Variants in COL4A5 observed in about 807,000 individuals in gnomAD.
The protein encoded by COL4A5 is collagen alpha-5(IV) chain.
In COL4A5, 26 loss-of-function variants were observed where a neutral mutation model predicts 130.2. The observed-to-expected ratio is 0.20, with a 90% CI of 0.15 to 0.28. COL4A5 has a LOEUF of 0.28. Among genes scored for constraint, COL4A5 ranks in the 10% least tolerant of loss-of-function variants. COL4A5 has a pLI of 1.00. For synonymous variants in COL4A5, 496 were observed against 439.6 expected (o/e 1.13, Z -1.60); for missense variants, 1,131 against 1,344.3 (o/e 0.84, Z 2.48).
At chrX:108,658,900 G>A (rs181857710) in intron 37 of COL4A5, among the ~76,000 whole-genome samples, 2 of 110,781 alleles carry the variant, frequency 1.8e-5, no homozygotes, top group African/African-American at 6.5e-5. Context: ...ATTGATTTCT[G>A]CTTATATCTG....
At chrX:108,504,622 A>C in intron 1 of COL4A5, among the ~76,000 whole-genome samples, 1 of 112,617 alleles carries the variant, frequency 8.9e-6, no homozygotes, top group East Asian at 2.8e-4. Context: ...GCAAATGGCC[A>C]AGAAACATGG....
At chrX:108,520,960 C>CT (rs1040172974) in intron 1 of COL4A5, among the ~76,000 whole-genome samples, 1 of 111,700 alleles carries the variant, frequency 9.0e-6, no homozygotes, top group African/African-American at 3.2e-5. Flanking sequence ...TCCAGGGTAT[C>CT]TATGTGTGTG....
chrX:108,486,859 G>A (rs751677867), intron 1 of COL4A5, among the ~76,000 whole-genome samples: 1 of 112,010 alleles, frequency 8.9e-6, no homozygotes, highest in Admixed American at 9.5e-5. Flanking sequence ...CCATATTTTT[G>A]CAATTGTGAA....
At chrX:108,472,068 A>G (rs1299575946) in intron 1 of COL4A5, among the ~76,000 whole-genome samples, 1 of 111,183 alleles carries the variant, frequency 9.0e-6, no homozygotes. Context: ...AGTATTTTCT[A>G]ATTAGTTTTG....
intron 21 of COL4A5, among the ~76,000 whole-genome samples, chrX:108,593,539 A>G (rs1410042304): frequency 1.8e-5 from 2 of 111,063 alleles, no homozygotes; most frequent in Admixed American, 9.5e-5. Context: ...TCTTCTAGAC[A>G]CTTTATTGTT....
chrX:108,538,062 T>C (rs1288503578), intron 1 of COL4A5, among the ~76,000 whole-genome samples: 1 of 112,057 alleles, frequency 8.9e-6, no homozygotes, highest in Non-Finnish European at 1.9e-5. Context: ...TAGAGAGCAA[T>C]GATGTACTTT....
intron 1 of COL4A5, among the ~76,000 whole-genome samples, chrX:108,538,166 C>T (rs1158130223): frequency 9.0e-6 from 1 of 111,394 alleles, no homozygotes; most frequent in Non-Finnish European, 1.9e-5. Context: ...TTGGAGGGAG[C>T]TGTGTGTTAC....
intron 29 of COL4A5, among the ~76,000 whole-genome samples, chrX:108,611,485 A>T (rs73528329): frequency 0.1 from 11,593 of 111,008 alleles, 1,303 homozygotes; most frequent in African/African-American, 0.34. Context: ...AAAGTATATA[A>T]TTTATGCTAA....
intron 19 of COL4A5, 31 bp downstream of exon 19, chrX:108,586,778 T>A: frequency 8.4e-7 from 1 of 1,192,307 alleles, no homozygotes; most frequent in Non-Finnish European, 1.1e-6. Flanking sequence ...GGCCTTGTTC[T>A]TATAGCATCC....
intron 19 of COL4A5, among the ~76,000 whole-genome samples, chrX:108,588,676 A>G (rs187958334): frequency 4.3e-4 from 48 of 111,358 alleles, no homozygotes; most frequent in African/African-American, 1.4e-3. Context: ...GCACTAAGCA[A>G]TAGTAAAATA....
intron 31 of COL4A5, among the ~76,000 whole-genome samples, chrX:108,620,696 C>T (rs1000064411): frequency 8.9e-6 from 1 of 111,870 alleles, no homozygotes; most frequent in African/African-American, 3.3e-5. Context: ...TTTTGCAGCT[C>T]TAGAATTAAG....
chrX:108,446,780 A>G (rs1415642985), intron 1 of COL4A5, among the ~76,000 whole-genome samples: 3 of 111,669 alleles, frequency 2.7e-5, no homozygotes, highest in Non-Finnish European at 3.8e-5. Context: ...GTCATGATGA[A>G]AAGTTGAATA....
chrX:108,532,496 T>C (rs778008949), intron 1 of COL4A5, among the ~76,000 whole-genome samples: 5 of 111,628 alleles, frequency 4.5e-5, no homozygotes, highest in South Asian at 7.4e-4. Flanking sequence ...AAAGCTGAAA[T>C]CCTTTCCTCT....
chrX:108,503,438 A>C (rs2065098463), intron 1 of COL4A5, among the ~76,000 whole-genome samples: 1 of 111,957 alleles, frequency 8.9e-6, no homozygotes. Context: ...AGAAATAAAG[A>C]GCATCCAAAT....
intron 2 of COL4A5, among the ~76,000 whole-genome samples, chrX:108,541,825 T>G (rs1338201096): frequency 2.7e-5 from 3 of 112,361 alleles, no homozygotes; most frequent in Non-Finnish European, 5.6e-5. Context: ...TTAACTATAC[T>G]ATTTCTTAAA....
intron 1 of COL4A5, among the ~76,000 whole-genome samples, chrX:108,527,581 C>T (rs1192610397): frequency 8.9e-6 from 1 of 112,069 alleles, no homozygotes; most frequent in Non-Finnish European, 1.9e-5. Context: ...GTGGCAGAGT[C>T]TCAGCATGGC....
chrX:108,571,934 C>A, intron 8 of COL4A5, 97 bp downstream of exon 8: 1 of 700,237 alleles, frequency 1.4e-6, no homozygotes, highest in Non-Finnish European at 2.3e-6. Flanking sequence ...GTCTTAAAAT[C>A]GATGTTTCTA....
At chrX:108,505,758 T>G (rs2065118244) in intron 1 of COL4A5, among the ~76,000 whole-genome samples, 1 of 112,247 alleles carries the variant, frequency 8.9e-6, no homozygotes. Flanking sequence ...TTTAAGCCAC[T>G]CAGTCTACAA....
At chrX:108,498,127 AAGT>A (rs1291360320) in intron 1 of COL4A5, among the ~76,000 whole-genome samples, 1 of 111,878 alleles carries the variant, frequency 8.9e-6, no homozygotes, top group Non-Finnish European at 1.9e-5. Context: ...AGAAACTTTA[AAGT>A]ATTTTATATT....
Sources: allele counts gnomAD v4.1 joint callset (sites outside exome capture counted in the v4.1 genomes callset), GRCh38; gene constraint gnomAD v4.1.1; transcripts MANE v1.5; gene names NCBI Gene and HGNC (gene_info 2026-07-23, HGNC 2026-07-21).